The following PM20D2 variants were observed in gnomAD, a reference collection of about 807,000 sequenced individuals.
The protein encoded by PM20D2 is peptidase M20 domain containing 2.
Under a neutral mutation model 42.9 loss-of-function variants are expected in PM20D2, and 33 were observed. The ratio of observed to expected loss-of-function variants is 0.77; its 90% confidence interval spans 0.58 to 1.03. The LOEUF is 1.03. Ranked by LOEUF, PM20D2 falls within the 50% of genes least tolerant of loss-of-function variation. The pLI is 0.00. For synonymous variants in PM20D2, 250 were observed against 228.2 expected (o/e 1.10, Z -0.86); for missense variants, 548 against 557.0 (o/e 0.98, Z 0.16).
At chr6:89,143,972 ATAAGATGT>A (rs2127769796), upstream of PM20D2, among the ~76,000 whole-genome samples, 1 of 152,384 alleles carries the variant, frequency 6.6e-6, no homozygotes, top group East Asian at 1.9e-4. Context: ...AATGCTGACC[ATAAGATGT>A]TAGGTGCTGG....
rs200424267 is a variant in PM20D2 at position 89,162,298 on chromosome 6, T to C, written c.*35T>C. 3.7e-4 allele frequency: 573 copies of C among 1,562,056 alleles called. 6 individuals are homozygous for C. The highest frequency in any genetic ancestry group is 1.7e-4 in the Middle Eastern group (1 of 5,848). Reference sequence around the variant, plus strand: ...GGGCCACTTATAAATCAAGAAGACGTGATGATTTTTTTCTTTTAATCTCTT... The same window carrying C: ...GGGCCACTTATAAATCAAGAAGACGCGATGATTTTTTTCTTTTAATCTCTT... On this transcript the variant is annotated 3_prime_UTR_variant, in exon 7 of 7. Transcript: ENST00000275072.
the PM20D2 span, among the ~76,000 whole-genome samples, chr6:89,100,439 T>C: frequency 6.6e-6 from 1 of 152,010 alleles, no homozygotes; most frequent in Non-Finnish European, 1.5e-5. Flanking sequence ...CAGTACTCTG[T>C]CTACCAGAAG....
chr6:89,147,730 TA>T (rs556108073), intron 1 of PM20D2, among the ~76,000 whole-genome samples: 116 of 144,196 alleles, frequency 8.0e-4, no homozygotes, highest in South Asian at 2.2e-3. Context: ...TAAAATATAT[TA>T]AAAAAAAAAA....
At chr6:89,147,356 G>A (rs1770623889) in intron 1 of PM20D2, among the ~76,000 whole-genome samples, 2 of 152,174 alleles carry the variant, frequency 1.3e-5, no homozygotes, top group South Asian at 4.1e-4. Context: ...CAGTTAAGGG[G>A]AAAACAAATG....
chr6:89,150,594 C>T (rs557573762), intron 2 of PM20D2, among the ~76,000 whole-genome samples: 76 of 124,192 alleles, frequency 6.1e-4, no homozygotes, highest in African/African-American at 2.3e-3. Flanking sequence ...GACTGGAGTG[C>T]AGTGGCACGA....
the PM20D2 span, among the ~76,000 whole-genome samples, chr6:89,117,547 C>T: frequency 6.6e-6 from 1 of 152,186 alleles, no homozygotes; most frequent in African/African-American, 2.4e-5. Flanking sequence ...CACGGCCCGC[C>T]GGCTGCGGTG....
chr6:89,122,214 GCTGA>G, the PM20D2 span, among the ~76,000 whole-genome samples: 22 of 152,308 alleles, frequency 1.4e-4, no homozygotes, highest in Middle Eastern at 0.01. Flanking sequence ...CATAGTCTGA[GCTGA>G]CTATCTCTTA....
the PM20D2 span, among the ~76,000 whole-genome samples, chr6:89,102,608 G>T: frequency 6.6e-6 from 1 of 151,962 alleles, no homozygotes; most frequent in African/African-American, 2.4e-5. Context: ...AAAGAAGGAC[G>T]CTATAATATA....
intron 4 of PM20D2, 63 bp from the exon 5 acceptor site, chr6:89,158,262 T>G (rs1333176756): frequency 6.9e-7 from 1 of 1,440,966 alleles, no homozygotes; most frequent in African/African-American, 1.4e-5. Flanking sequence ...AATCACTGGT[T>G]TGAAAATTAG....
At chr6:89,098,816 T>G in the PM20D2 span, 1 of 1,613,990 alleles carries the variant, frequency 6.2e-7, no homozygotes, top group Non-Finnish European at 8.5e-7. Flanking sequence ...TTGTAAGGAC[T>G]TGGACCTTGA....
the PM20D2 span, among the ~76,000 whole-genome samples, chr6:89,140,827 CT>C: frequency 3.3e-5 from 5 of 152,182 alleles, no homozygotes; most frequent in South Asian, 2.1e-4. Flanking sequence ...ACATTCAGGG[CT>C]TTAAAGTCAC....
upstream of PM20D2, among the ~76,000 whole-genome samples, chr6:89,141,461 G>A (rs1295913756): frequency 6.6e-6 from 1 of 152,064 alleles, no homozygotes; most frequent in East Asian, 1.9e-4. Context: ...CACCTCCCAG[G>A]TTCAAGTGAT....
Position 89,158,317 on chromosome 6 carries a change from T to G in PM20D2, c.913-8T>G. 1.9e-6 allele frequency: 3 copies of G among 1,563,902 alleles called. No individual in the cohort carries two copies. The highest frequency in any genetic ancestry group is 2.6e-6 in the Non-Finnish European group (3 of 1,161,416). ...TATTTCAAAATTTGTTTTGCAATTTTTTATTAGGTGGAAATTAAAGGTGGA... is the reference window on the plus strand; with the variant it reads ...TATTTCAAAATTTGTTTTGCAATTTGTTATTAGGTGGAAATTAAAGGTGGA... On this transcript the variant is annotated splice_polypyrimidine_tract_variant and splice_region_variant and intron_variant, in intron 4 of 6. Coordinates refer to ENST00000275072, the MANE Select transcript of PM20D2 (RefSeq NM_001010853.3).
At chr6:89,145,564 TAG>T (rs1770499733), upstream of PM20D2, among the ~76,000 whole-genome samples, 1 of 152,092 alleles carries the variant, frequency 6.6e-6, no homozygotes, top group African/African-American at 2.4e-5. Context: ...GAGAAAACTG[TAG>T]AGAGTAGCTG....
the PM20D2 span, among the ~76,000 whole-genome samples, chr6:89,113,614 G>C: frequency 6.6e-6 from 1 of 152,102 alleles, no homozygotes; most frequent in Admixed American, 6.6e-5. Flanking sequence ...AGGCCCCAAA[G>C]ATTTTGTTTA....
chr6:89,138,921 T>C, the PM20D2 span, among the ~76,000 whole-genome samples: 1 of 152,194 alleles, frequency 6.6e-6, no homozygotes, highest in Non-Finnish European at 1.5e-5. Context: ...TAGTTCATCT[T>C]GAACAAACTT....
chr6:89,140,138 T>G, the PM20D2 span, among the ~76,000 whole-genome samples: 2 of 151,000 alleles, frequency 1.3e-5, no homozygotes, highest in African/African-American at 2.5e-5. Flanking sequence ...GATGGGGGGG[T>G]GGTCTCACCA....
Position 89,146,411 on chromosome 6 carries a change from C to A in PM20D2, c.267C>A (p.Ala89=). The change falls in exon 1 of 7, where the codon GCC becomes GCA. Residue 89 remains alanine (A), a synonymous_variant. Transcript: ENST00000275072. The part of the protein sequence containing the change: ...PHYQLPTAFR[A]EWEPPEARAP... ...ACCAGCTGCCCACGGCCTTCCGCGCCGAGTGGGAGCCGCCGGAGGCCCGGG... is the reference window on the plus strand; with the variant it reads ...ACCAGCTGCCCACGGCCTTCCGCGCAGAGTGGGAGCCGCCGGAGGCCCGGG... 6.6e-7 allele frequency: 1 copy of A among 1,525,078 alleles called. No individual in the cohort carries two copies. The highest frequency in any genetic ancestry group is 8.7e-7 in the Non-Finnish European group (1 of 1,143,316). The allele number at this position is 1,525,078 out of a possible 1,614,324, so 94.5% of individuals were successfully genotyped here.
chr6:89,136,201 C>T, the PM20D2 span, among the ~76,000 whole-genome samples: 2 of 151,088 alleles, frequency 1.3e-5, no homozygotes, highest in African/African-American at 5.0e-5. Context: ...ACTGTGAGGT[C>T]TCATCATCTT....
Sources: gnomAD v4.1 joint callset for allele counts (sites outside exome capture counted in the v4.1 genomes callset) on GRCh38, gnomAD v4.1.1 for gene constraint, MANE v1.5 for transcripts, NCBI Gene and HGNC (gene_info 2026-07-23, HGNC 2026-07-21) for gene names.